The following BLTP3B variants were observed in gnomAD, a reference collection of about 807,000 sequenced individuals.
The protein encoded by BLTP3B is UHRF1 (ICBP90) binding protein 1-like.
the BLTP3B span, among the ~76,000 whole-genome samples, chr12:100,120,405 T>C: frequency 6.6e-6 from 1 of 151,600 alleles, no homozygotes; most frequent in Admixed American, 6.6e-5. Context: ...AAAAATAAAA[T>C]AGGCAAAAGA....
the BLTP3B span, among the ~76,000 whole-genome samples, chr12:100,085,423 C>T: frequency 1.3e-5 from 2 of 151,514 alleles, no homozygotes; most frequent in Non-Finnish European, 2.9e-5. Context: ...AAATTTTATG[C>T]ATTTGTAAGT....
At chr12:100,129,248 C>T in the BLTP3B span, among the ~76,000 whole-genome samples, 335 of 151,922 alleles carry the variant, frequency 2.2e-3, 2 homozygotes, top group African/African-American at 7.6e-3. Context: ...TATCTATATA[C>T]TCAAAAATAA....
chr12:100,047,453 C>T, the BLTP3B span: 19 of 1,051,838 alleles, frequency 1.8e-5, no homozygotes, highest in East Asian at 7.4e-5. Context: ...AGGCTGAGAT[C>T]GTGCCATTGC....
At chr12:100,075,568 T>C in the BLTP3B span, among the ~76,000 whole-genome samples, 4 of 151,930 alleles carry the variant, frequency 2.6e-5, no homozygotes, top group African/African-American at 7.2e-5. Flanking sequence ...TGGGAGAAAA[T>C]ACTCACAAAT....
At chr12:100,089,573 C>T in the BLTP3B span, among the ~76,000 whole-genome samples, 1 of 151,608 alleles carries the variant, frequency 6.6e-6, no homozygotes, top group Admixed American at 6.6e-5. Flanking sequence ...AAAACAAAAA[C>T]AAAAACAAAA....
At chr12:100,060,118 G>C in the BLTP3B span, 3 of 1,136,524 alleles carry the variant, frequency 2.6e-6, no homozygotes, top group Non-Finnish European at 2.4e-6. Context: ...AAAAATACAT[G>C]TTTAGTCAGT....
At chr12:100,078,829 G>A in the BLTP3B span, among the ~76,000 whole-genome samples, 1 of 152,080 alleles carries the variant, frequency 6.6e-6, no homozygotes, top group Admixed American at 6.5e-5. Flanking sequence ...TTGTAACTCT[G>A]ACAGTTCCCA....
the BLTP3B span, among the ~76,000 whole-genome samples, chr12:100,038,223 TATTGAGTCACTTTCTTG>T: frequency 3.9e-5 from 6 of 152,220 alleles, no homozygotes; most frequent in Non-Finnish European, 8.8e-5. Flanking sequence ...TCTTCTCTTG[TATTGAGTCACTTTCTTG>T]GATGATCTTA....
At chr12:100,137,012 T>C in the BLTP3B span, among the ~76,000 whole-genome samples, 2 of 152,120 alleles carry the variant, frequency 1.3e-5, no homozygotes, top group African/African-American at 2.4e-5. Context: ...GGTTTCACCG[T>C]GTTGGTCAGA....
chr12:100,054,695 T>C, the BLTP3B span, among the ~76,000 whole-genome samples: 30 of 152,146 alleles, frequency 2.0e-4, no homozygotes, highest in Non-Finnish European at 3.8e-4. Context: ...GGAAAGAAGA[T>C]TGCTATGAAT....
the BLTP3B span, among the ~76,000 whole-genome samples, chr12:100,139,512 G>A: frequency 0.012 from 1,762 of 152,218 alleles, 24 homozygotes; most frequent in Middle Eastern, 0.02. Context: ...ACCCCTGTAA[G>A]AACTAGGTCA....
At chr12:100,067,502 G>C in the BLTP3B span, among the ~76,000 whole-genome samples, 2 of 152,050 alleles carry the variant, frequency 1.3e-5, no homozygotes, top group African/African-American at 4.8e-5. Context: ...CAAAACAGGA[G>C]ATACTACAAC....
At chr12:100,073,106 G>A in the BLTP3B span, among the ~76,000 whole-genome samples, 1 of 151,934 alleles carries the variant, frequency 6.6e-6, no homozygotes, top group Non-Finnish European at 1.5e-5. Context: ...AAATGATAAC[G>A]ATATTCTATC....
chr12:100,050,351 C>T, the BLTP3B span: 1 of 1,557,160 alleles, frequency 6.4e-7, no homozygotes, highest in Non-Finnish European at 8.6e-7. Context: ...TATTAGTATG[C>T]CAAGCAGTTC....
At chr12:100,039,452 C>G in the BLTP3B span, 1 of 799,338 alleles carries the variant, frequency 1.3e-6, no homozygotes, top group Non-Finnish European at 1.9e-6. Context: ...ACACTCTAAC[C>G]ATAGCACCTA....
the BLTP3B span, chr12:100,084,716 T>C: frequency 2.0e-6 from 3 of 1,490,762 alleles, no homozygotes; most frequent in Non-Finnish European, 2.7e-6. Flanking sequence ...TTTATTATAT[T>C]ATAGTAATGC....
At chr12:100,093,838 C>T in the BLTP3B span, among the ~76,000 whole-genome samples, 1 of 152,126 alleles carries the variant, frequency 6.6e-6, no homozygotes, top group Non-Finnish European at 1.5e-5. Flanking sequence ...TCTAGTAACA[C>T]CAAATTTCTT....
the BLTP3B span, among the ~76,000 whole-genome samples, chr12:100,073,362 GA>G: frequency 1.5e-5 from 2 of 136,536 alleles, no homozygotes; most frequent in Admixed American, 6.9e-5. Context: ...TACAGACACA[GA>G]TTTTTTTTTT....
the BLTP3B span, among the ~76,000 whole-genome samples, chr12:100,104,196 C>A: frequency 6.9e-6 from 1 of 144,038 alleles, no homozygotes; most frequent in Non-Finnish European, 1.5e-5. Flanking sequence ...ATTGTAAGTT[C>A]TTTTTTTCTT....
Sources: gnomAD v4.1 joint callset for allele counts (sites outside exome capture counted in the v4.1 genomes callset) on GRCh38, gnomAD v4.1.1 for gene constraint, MANE v1.5 for transcripts, NCBI Gene and HGNC (gene_info 2026-07-23, HGNC 2026-07-21) for gene names.